Variants in AGBL1 observed in about 807,000 individuals in gnomAD.
AGBL1 encodes AGBL carboxypeptidase 1, also known as cytosolic carboxypeptidase 4.
Under a neutral mutation model 118.9 loss-of-function variants are expected in AGBL1, and 130 were observed. The ratio of observed to expected loss-of-function variants is 1.09; its 90% CI spans 0.95 to 1.26. The LOEUF (loss-of-function observed/expected upper bound fraction) is 1.26. Ranked by LOEUF, AGBL1 falls within the 50% of genes most tolerant of loss-of-function variation. The pLI, the probability that AGBL1 is intolerant of heterozygous loss-of-function variation, is 0.00. For missense variants in AGBL1, 1,584 were observed against 1,298.1 expected (o/e 1.22, Z -3.38); for synonymous variants, 555 against 478.9 (o/e 1.16, Z -2.08).
chr15:86,946,692 A>G (rs779086838), intron 23 of AGBL1, among the ~76,000 whole-genome samples: 1 of 151,922 alleles, frequency 6.6e-6, no homozygotes, highest in Non-Finnish European at 1.5e-5. Context: ...TACTAAAAAT[A>G]CAAAATTAGC....
chr15:86,814,115 G>A (rs764727272), intron 22 of AGBL1, among the ~76,000 whole-genome samples: 3 of 152,128 alleles, frequency 2.0e-5, no homozygotes, highest in African/African-American at 7.2e-5. Flanking sequence ...TAGGAAGCAG[G>A]CCCCAGAGCA....
intron 1 of AGBL1, among the ~76,000 whole-genome samples, chr15:86,089,339 C>A (rs535527604): frequency 3.3e-5 from 5 of 152,316 alleles, no homozygotes; most frequent in African/African-American, 1.2e-4. Flanking sequence ...AATGACCCTA[C>A]AACCAGTCTG....
At chr15:86,725,791 CTGGA>C (rs776431386) in intron 22 of AGBL1, among the ~76,000 whole-genome samples, 1 of 152,192 alleles carries the variant, frequency 6.6e-6, no homozygotes, top group Non-Finnish European at 1.5e-5. Context: ...TGTTATCATT[CTGGA>C]TGAATCAACC....
At chr15:86,681,880 A>C (rs2085964618) in intron 22 of AGBL1, among the ~76,000 whole-genome samples, 1 of 152,184 alleles carries the variant, frequency 6.6e-6, no homozygotes, top group African/African-American at 2.4e-5. Context: ...AAAGTGCCCT[A>C]CTAATGTCTA....
chr15:86,259,762 T>C (rs2142020998), intron 9 of AGBL1, among the ~76,000 whole-genome samples: 1 of 152,380 alleles, frequency 6.6e-6, no homozygotes, highest in African/African-American at 2.4e-5. Context: ...ACTGTGCTGC[T>C]GCAGTCATTC....
intron 1 of AGBL1, among the ~76,000 whole-genome samples, chr15:86,141,082 G>A (rs916599449): frequency 1.3e-5 from 2 of 152,200 alleles, no homozygotes; most frequent in African/African-American, 4.8e-5. Flanking sequence ...GCGCTGGCCT[G>A]ATTTTGGGAG....
intron 20 of AGBL1, among the ~76,000 whole-genome samples, chr15:86,550,742 C>A (rs1473593022): frequency 6.6e-6 from 1 of 151,966 alleles, no homozygotes; most frequent in African/African-American, 2.4e-5. Flanking sequence ...CCTGACTTAA[C>A]TTACATATAG....
intron 19 of AGBL1, among the ~76,000 whole-genome samples, chr15:86,524,987 T>C (rs1230085265): frequency 1.3e-5 from 2 of 152,196 alleles, no homozygotes; most frequent in Non-Finnish European, 2.9e-5. Context: ...GATATGATCA[T>C]ATACCTAGGA....
intron 24 of AGBL1, among the ~76,000 whole-genome samples, chr15:87,013,329 T>A (rs551856617): frequency 5.0e-4 from 76 of 152,124 alleles, no homozygotes; most frequent in Middle Eastern, 3.2e-3. Flanking sequence ...TTCAGTGAAT[T>A]TTCCATTGGC....
chr15:86,767,767 C>T (rs928692855), intron 22 of AGBL1, among the ~76,000 whole-genome samples: 7 of 151,878 alleles, frequency 4.6e-5, no homozygotes, highest in South Asian at 2.1e-4. Flanking sequence ...TTTTCTGATG[C>T]GATGACCAGA....
At chr15:86,889,612 G>T (rs1031085395) in intron 22 of AGBL1, among the ~76,000 whole-genome samples, 3 of 152,056 alleles carry the variant, frequency 2.0e-5, no homozygotes, top group African/African-American at 7.2e-5. Context: ...TGTTCTCATT[G>T]TTCAGCTCCC....
chr15:86,263,231 C>A (rs1397247996), intron 10 of AGBL1, among the ~76,000 whole-genome samples: 2 of 152,108 alleles, frequency 1.3e-5, no homozygotes, highest in Non-Finnish European at 2.9e-5. Context: ...TTCACTGCAC[C>A]TTTTTATGTT....
chr15:86,386,422 A>G (rs1596049909), intron 17 of AGBL1, among the ~76,000 whole-genome samples: 1 of 149,568 alleles, frequency 6.7e-6, no homozygotes, highest in East Asian at 2.0e-4. Flanking sequence ...CGAGGGGTGG[A>G]TTATTTGTGA....
intron 17 of AGBL1, among the ~76,000 whole-genome samples, chr15:86,362,537 T>C (rs2080820325): frequency 6.6e-6 from 1 of 152,140 alleles, no homozygotes; most frequent in Admixed American, 6.5e-5. Context: ...GGGCCTGCTA[T>C]AGGGGACAGG....
chr15:86,644,722 G>A (rs1017707341), intron 21 of AGBL1, among the ~76,000 whole-genome samples: 5 of 151,760 alleles, frequency 3.3e-5, no homozygotes, highest in African/African-American at 9.7e-5. Context: ...TAAAGGAGAC[G>A]TGGCTGGGCG....
At chr15:86,684,930 T>C (rs1474905439) in intron 22 of AGBL1, among the ~76,000 whole-genome samples, 1 of 152,142 alleles carries the variant, frequency 6.6e-6, no homozygotes, top group Non-Finnish European at 1.5e-5. Flanking sequence ...TTTGACTGAA[T>C]AAAAATTAAA....
rs5814231 is a variant in AGBL1 at position 86,277,289 on chromosome 15, A to AGTGT, written c.2076-2340_2076-2337dup. On this transcript the variant is annotated intron_variant, in intron 15 of 22. Transcript: ENST00000614907. ...GTAGCATGTTAGGAGAGAGAGAGAG[A>AGTGT]GTGTGTGTGTGTGCATGTGTGTGTG... Among the ~76,000 whole-genome samples, 767 of 148,752 alleles carry AGTGT rather than the reference A, an allele frequency of 5.2e-3. 6 individuals carry two copies. The highest frequency in any genetic ancestry group is 0.018 in the African/African-American group (720 of 40,180).
intron 21 of AGBL1, among the ~76,000 whole-genome samples, chr15:86,561,927 G>C (rs2083827999): frequency 6.6e-6 from 1 of 152,110 alleles, no homozygotes; most frequent in Non-Finnish European, 1.5e-5. Context: ...TTGTGAATGG[G>C]AGTTCACTCA....
intron 18 of AGBL1, among the ~76,000 whole-genome samples, chr15:86,408,633 T>C (rs1156836728): frequency 6.6e-6 from 1 of 152,194 alleles, no homozygotes; most frequent in Non-Finnish European, 1.5e-5. Flanking sequence ...TTTGCTTCAT[T>C]TGGTTTTTAG....
Sources: gnomAD v4.1 joint callset for allele counts (sites outside exome capture counted in the v4.1 genomes callset) on GRCh38, gnomAD v4.1.1 for gene constraint, MANE v1.5 for transcripts, NCBI Gene and HGNC (gene_info 2026-07-23, HGNC 2026-07-21) for gene names.